The following ERCC8 variants were observed in gnomAD, a reference collection of about 807,000 sequenced individuals.
ERCC8 encodes ERCC excision repair 8, CSA ubiquitin ligase complex subunit.
In ERCC8, 52 loss-of-function variants were observed where a neutral mutation model predicts 54.9. The observed-to-expected ratio is 0.95, with a 90% confidence interval of 0.76 to 1.19. The LOEUF (loss-of-function observed/expected upper bound fraction) is 1.19, where lower values mean the gene tolerates loss of function less well. Ranked by LOEUF, ERCC8 falls within the 50% of genes most tolerant of loss-of-function variation. The pLI, the probability that ERCC8 is intolerant of heterozygous loss-of-function variation, is 0.00. For missense variants in ERCC8, 514 were observed against 466.1 expected, an observed-to-expected ratio of 1.10 and a Z score of -0.95; for synonymous variants, 146 against 157.2, an observed-to-expected ratio of 0.93 and a Z score of 0.53.
intron 1 of ERCC8, among the ~76,000 whole-genome samples, chr5:60,944,620 TG>T (rs1374805024): frequency 6.6e-6 from 1 of 152,096 alleles, no homozygotes; most frequent in African/African-American, 2.4e-5. Flanking sequence ...AGTTATTCTT[TG>T]GAGTAACTTA....
rs541674964 is a variant in ERCC8 at position 60,943,380 on chromosome 5, C to T, written c.77+1552G>A. On this transcript the variant is annotated intron_variant, in intron 1 of 11. Coordinates refer to ENST00000676185, the MANE Select transcript of ERCC8 (RefSeq NM_000082.4). ...ATTTCAGTTACCACAGTTTATTAAC[C>T]GTGAGAAATAGCATAAAAGTTTGCT... Among the ~76,000 whole-genome samples the T allele has an allele frequency of 2.2e-3, 330 of 152,240 alleles. 2 individuals are homozygous for T. Among genetic ancestry groups the T allele is most frequent in the Non-Finnish European group, 3.4e-3 (228 of 68,022 alleles).
At chr5:60,916,777 A>G (rs1008679527) in intron 4 of ERCC8, among the ~76,000 whole-genome samples, 3 of 152,058 alleles carry the variant, frequency 2.0e-5, no homozygotes, top group African/African-American at 7.2e-5. Context: ...GAATCATAAT[A>G]TACTTCATGA....
intron 9 of ERCC8, chr5:60,893,522 T>C: frequency 1.3e-6 from 1 of 781,774 alleles, no homozygotes; most frequent in Non-Finnish European, 2.3e-6. Flanking sequence ...TGCAGGCTTC[T>C]TACAGCCCTT....
At chr5:60,885,054 C>T (rs1748356219) in intron 11 of ERCC8, among the ~76,000 whole-genome samples, 1 of 151,894 alleles carries the variant, frequency 6.6e-6, no homozygotes, top group African/African-American at 2.4e-5. Flanking sequence ...ACTCTGTCAC[C>T]CAGGCTGGAG....
intron 11 of ERCC8, among the ~76,000 whole-genome samples, chr5:60,875,168 G>A (rs1232966598): frequency 6.6e-6 from 1 of 152,094 alleles, no homozygotes; most frequent in Non-Finnish European, 1.5e-5. Flanking sequence ...GGAGAATAAG[G>A]TATTCAAGCT....
intron 4 of ERCC8, among the ~76,000 whole-genome samples, chr5:60,917,221 G>C (rs1749461466): frequency 6.6e-6 from 1 of 151,958 alleles, no homozygotes; most frequent in Non-Finnish European, 1.5e-5. Flanking sequence ...TACAGTCTTG[G>C]CTCAATGTAA....
rs927278149 is a variant in ERCC8 at position 60,867,546 on chromosome 5, A to C, written c.*7069T>G. Among the ~76,000 whole-genome samples, 1 of 152,250 alleles carries C rather than the reference A, an allele frequency of 6.6e-6. No individual in the cohort carries two copies. The highest frequency in any genetic ancestry group is 1.5e-5 in the Non-Finnish European group (1 of 68,044). ...ACTCTGAATTTTGCATATATATGTA[A>C]GAAACCATTAGAATATTACAATAAA... On this transcript the variant is annotated 3_prime_UTR_variant, in exon 12 of 12. Coordinates refer to ENST00000676185, the MANE Select transcript of ERCC8 (RefSeq NM_000082.4).
At chr5:60,938,062 TATATATATATATATATATATATA>T (rs1750130833) in intron 1 of ERCC8, among the ~76,000 whole-genome samples, 1 of 27,066 alleles carries the variant, frequency 3.7e-5, no homozygotes, top group African/African-American at 1.2e-4. Flanking sequence ...TATATATATA[TATATATATATATATATATATATA>T]TTTTATTTTT....
rs202244423 is a variant in ERCC8, at chr5:60,934,688, T to A, written c.78-5729A>T. Reference sequence around the variant, plus strand: ...TCAATGTTATCTTCTAGAATTTTTATGGCTTCAGGTCTTAGATTTAAGTCT... The same window carrying A: ...TCAATGTTATCTTCTAGAATTTTTAAGGCTTCAGGTCTTAGATTTAAGTCT... On this transcript the variant is annotated intron_variant, in intron 1 of 11. Transcript: ENST00000676185. Among the ~76,000 whole-genome samples, 12 of 152,386 alleles carry A rather than the reference T, an allele frequency of 7.9e-5. No homozygotes were observed. The East Asian group carries it at 2.3e-3, about 29-fold the overall frequency.
chr5:60,915,308 T>C (rs1749399669), intron 4 of ERCC8: 1 of 151,932 alleles, frequency 6.6e-6, no homozygotes, highest in African/African-American at 2.4e-5. Flanking sequence ...ATAGAAAAAA[T>C]TGGGAGAGAT....
At chr5:60,895,903 C>T (rs1018562840) in intron 9 of ERCC8, among the ~76,000 whole-genome samples, 1 of 152,200 alleles carries the variant, frequency 6.6e-6, no homozygotes, top group African/African-American at 2.4e-5. Flanking sequence ...GAATATTGAA[C>T]CAGGGCATTA....
In ERCC8 at chr5:60,908,583, A is replaced by ATATT. The variant is rs527918086; in HGVS notation, c.400-3711_400-3710insAATA. ...TAAATACATATATATATATATATAT[A>ATATT]TTTTTTTTTTAAATAATGGCTTTGT... On this transcript the variant is annotated intron_variant, in intron 4 of 11. Coordinates refer to ENST00000676185, the MANE Select transcript of ERCC8 (RefSeq NM_000082.4). 3.8e-3 allele frequency among the ~76,000 whole-genome samples: 536 copies of ATATT among 141,868 alleles called. 7 individuals are homozygous for ATATT. Among genetic ancestry groups the ATATT allele is most frequent in the African/African-American group, 0.012 (481 of 39,078 alleles). 93.1% of individuals were successfully genotyped at this position (141,868 alleles called of 152,430 possible).
Position 60,944,970 on chromosome 5 carries a change from C to G in ERCC8, c.39G>C (p.Glu13Asp). Residue 13 changes from glutamate to aspartate, a missense_variant, in exon 1 of 12, where the codon GAG (glutamate) becomes GAC (aspartate). By Grantham distance (45) the Glu-to-Asp change is conservative. Transcript: ENST00000676185. ...CTGCTCTCCGAAGGCGAAGAGGGTC[C>G]TCCAAACCCGTTTGGCGTGCGGACA... Reference protein sequence around the residue: ...GFLSARQTGLEDPLRLRRAES... With the variant: ...GFLSARQTGLDDPLRLRRAES... 6.2e-7 allele frequency: 1 copy of G among 1,614,112 alleles called. No individual in the cohort carries two copies. The highest frequency in any genetic ancestry group is 8.5e-7 in the Non-Finnish European group (1 of 1,179,982).
chr5:60,910,792 G>A (rs1395129283), intron 4 of ERCC8, among the ~76,000 whole-genome samples: 3 of 151,964 alleles, frequency 2.0e-5, no homozygotes, highest in South Asian at 2.1e-4. Context: ...AATTTTCTAC[G>A]TTCATAATCA....
At position 60,903,737 on chromosome 5, in the gene ERCC8, T is replaced by A. The variant is rs1289820245; in HGVS notation, c.482-21A>T. 3 of 1,609,574 alleles carry A rather than the reference T, an allele frequency of 1.9e-6. No individual in the cohort carries two copies. In the Admixed American group the frequency reaches 5.0e-5, roughly 27 times the overall value. ...ACCAACTGTAAAAACAGAACCGGTT[T>A]AAGATAATTTTATCATAAGTCATCA... is the stretch of plus-strand genomic sequence containing the variant. On this transcript the variant is annotated intron_variant, in intron 5 of 11. Transcript: ENST00000676185.
chr5:60,879,082 T>G (rs1197227527), intron 11 of ERCC8, among the ~76,000 whole-genome samples: 1 of 152,216 alleles, frequency 6.6e-6, no homozygotes, highest in East Asian at 1.9e-4. Context: ...TTGGTCTCGT[T>G]GGTTTCAAAG....
intron 6 of ERCC8, among the ~76,000 whole-genome samples, chr5:60,903,061 CATA>C (rs1178341929): frequency 2.6e-5 from 4 of 151,450 alleles, no homozygotes; most frequent in South Asian, 2.1e-4. Flanking sequence ...AATAAAAATT[CATA>C]ATAATGTCAA....
chr5:60,917,202 T>C (rs1224175779), intron 4 of ERCC8, among the ~76,000 whole-genome samples: 1 of 152,016 alleles, frequency 6.6e-6, no homozygotes, highest in Admixed American at 6.6e-5. Context: ...GAACTAGAAC[T>C]CTGGCATCTA....
At chr5:60,921,542 T>C (rs1429458707) in intron 3 of ERCC8, among the ~76,000 whole-genome samples, 1 of 151,944 alleles carries the variant, frequency 6.6e-6, no homozygotes, top group Non-Finnish European at 1.5e-5. Flanking sequence ...CAGATGTATG[T>C]TTTTAAGTTA....
Sources: allele counts gnomAD v4.1 joint callset (sites outside exome capture counted in the v4.1 genomes callset), GRCh38; gene constraint gnomAD v4.1.1; transcripts MANE v1.5; gene names NCBI Gene and HGNC (gene_info 2026-07-23, HGNC 2026-07-21).